The following MCTP2 variants were observed in gnomAD, a reference collection of about 807,000 sequenced individuals.
The protein encoded by MCTP2 is multiple C2 and transmembrane domain containing 2.
Under a neutral mutation model 111.6 loss-of-function variants are expected in MCTP2, and 132 were observed. That is an observed-to-expected ratio of 1.18 (90% CI 1.03 to 1.37). The LOEUF (loss-of-function observed/expected upper bound fraction) is 1.37, where lower values mean the gene tolerates loss of function less well. MCTP2 is among the 40% of genes most tolerant of loss of function. The pLI is 0.00. For synonymous variants in MCTP2, 395 were observed against 387.7 expected (o/e 1.02, Z -0.22); for missense variants, 1,183 against 1,067.9 (o/e 1.11, Z -1.50).
intron 10 of MCTP2, among the ~76,000 whole-genome samples, chr15:94,361,478 T>C (rs905169936): frequency 6.6e-6 from 1 of 152,186 alleles, no homozygotes; most frequent in Non-Finnish European, 1.5e-5. Flanking sequence ...GCTCTGTATC[T>C]GTATAATGGG....
At chr15:94,422,611 A>G (rs1256323565) in intron 17 of MCTP2, among the ~76,000 whole-genome samples, 2 of 152,164 alleles carry the variant, frequency 1.3e-5, no homozygotes, top group Admixed American at 6.5e-5. Context: ...ATTTGATCAT[A>G]TCATTTCTTT....
chr15:94,448,278 T>C (rs2084240089), intron 19 of MCTP2, among the ~76,000 whole-genome samples: 1 of 152,246 alleles, frequency 6.6e-6, no homozygotes, highest in Middle Eastern at 3.2e-3. Context: ...TCAAGCTCAC[T>C]AATATTCCTA....
chr15:94,471,320 A>G (rs1226482600), intron 21 of MCTP2, among the ~76,000 whole-genome samples: 1 of 152,234 alleles, frequency 6.6e-6, no homozygotes, highest in East Asian at 1.9e-4. Flanking sequence ...GTTTGGGGAA[A>G]TCACAAAGAG....
intron 2 of MCTP2, among the ~76,000 whole-genome samples, chr15:94,303,234 T>C (rs922162465): frequency 6.7e-6 from 1 of 150,360 alleles, no homozygotes; most frequent in Non-Finnish European, 1.5e-5. Flanking sequence ...GGTCCCACAA[T>C]AGGCCATCTA....
chr15:94,465,413 CAAT>C (rs1216172898), intron 20 of MCTP2, among the ~76,000 whole-genome samples: 2 of 152,086 alleles, frequency 1.3e-5, no homozygotes, highest in East Asian at 1.9e-4. Context: ...AACAGATTAA[CAAT>C]AATAATGAAA....
At chr15:94,237,398 A>C (rs943866518) in intron 1 of MCTP2, among the ~76,000 whole-genome samples, 2 of 151,762 alleles carry the variant, frequency 1.3e-5, no homozygotes, top group African/African-American at 2.4e-5. Context: ...GGAAAAGCAA[A>C]CAAGGGCCAT....
intron 14 of MCTP2, among the ~76,000 whole-genome samples, chr15:94,392,118 T>C (rs1280906491): frequency 3.3e-5 from 5 of 152,258 alleles, no homozygotes; most frequent in South Asian, 2.1e-4. Context: ...ATGCCTGTAA[T>C]CCCAGCACTT....
intron 1 of MCTP2, among the ~76,000 whole-genome samples, chr15:94,248,565 C>G (rs1044451239): frequency 6.6e-6 from 1 of 152,188 alleles, no homozygotes; most frequent in Non-Finnish European, 1.5e-5. Flanking sequence ...TATGTTCTTT[C>G]GCTTGTTGCT....
chr15:94,381,755 G>C (rs1301746311), intron 12 of MCTP2, among the ~76,000 whole-genome samples: 2 of 152,134 alleles, frequency 1.3e-5, no homozygotes, highest in Admixed American at 1.3e-4. Flanking sequence ...AAAAGTATGT[G>C]GTCTCTTCTT....
At chr15:94,285,179 C>T (rs1013938328) in intron 1 of MCTP2, among the ~76,000 whole-genome samples, 1 of 152,166 alleles carries the variant, frequency 6.6e-6, no homozygotes, top group African/African-American at 2.4e-5. Context: ...TCACACAGGA[C>T]ATGTTTAATT....
intron 14 of MCTP2, among the ~76,000 whole-genome samples, chr15:94,395,924 A>G (rs2081259954): frequency 6.6e-6 from 1 of 152,142 alleles, no homozygotes; most frequent in South Asian, 2.1e-4. Flanking sequence ...TTTGTGATAT[A>G]TTTCTGAAAA....
chr15:94,253,284 A>G (rs975538040), intron 1 of MCTP2, among the ~76,000 whole-genome samples: 10 of 152,088 alleles, frequency 6.6e-5, no homozygotes, highest in Non-Finnish European at 1.3e-4. Flanking sequence ...GTGTGTCTCA[A>G]CTTTGATAAC....
chr15:94,300,985 G>T (rs932509389), intron 2 of MCTP2, among the ~76,000 whole-genome samples: 1 of 152,154 alleles, frequency 6.6e-6, no homozygotes, highest in African/African-American at 2.4e-5. Flanking sequence ...ATGTGGGGTT[G>T]TTGGGTTGGC....
At chr15:94,248,647 A>G (rs886256538) in intron 1 of MCTP2, among the ~76,000 whole-genome samples, 1 of 152,186 alleles carries the variant, frequency 6.6e-6, no homozygotes, top group Admixed American at 6.5e-5. Context: ...TTGTGTCAAG[A>G]TACTTATTGG....
Position 94,437,155 on chromosome 15 carries a change from CAAAAAAAAAAAA to C in MCTP2, c.2086-3009_2086-2998del, listed in dbSNP as rs11352999. Among the ~76,000 whole-genome samples, 14 of 69,580 alleles carry C rather than the reference CAAAAAAAAAAAA, an allele frequency of 2.0e-4. No homozygotes were observed. The East Asian group carries it at 3.9e-3, about 19-fold the overall frequency. 45.6% of individuals were successfully genotyped at this position (69,580 alleles called of 152,430 possible). On this transcript the variant is annotated intron_variant, in intron 17 of 22. Transcript: ENST00000357742. ...TTCAAAAATTTCACACTTACACATC[CAAAAAAAAAAAA>C]AAAAAAAAAAAGAGGTTTAGCACTA... is the stretch of plus-strand genomic sequence containing the variant.
At chr15:94,344,301 G>A (rs2077838202) in intron 7 of MCTP2, among the ~76,000 whole-genome samples, 1 of 152,144 alleles carries the variant, frequency 6.6e-6, no homozygotes, top group Non-Finnish European at 1.5e-5. Flanking sequence ...TTGGCAAAGT[G>A]GATCGGTCAT....
intron 10 of MCTP2, among the ~76,000 whole-genome samples, chr15:94,363,559 G>C (rs1188976510): frequency 6.6e-6 from 1 of 152,134 alleles, no homozygotes; most frequent in Non-Finnish European, 1.5e-5. Flanking sequence ...GGAAAAATCA[G>C]TGGTGTCACA....
chr15:94,472,807 A>G (rs2074036449), intron 21 of MCTP2, among the ~76,000 whole-genome samples: 1 of 152,200 alleles, frequency 6.6e-6, no homozygotes, highest in Non-Finnish European at 1.5e-5. Context: ...ATATTCTGTA[A>G]TTCTGTTAGG....
At chr15:94,282,615 G>A (rs1014235169) in intron 1 of MCTP2, among the ~76,000 whole-genome samples, 6 of 152,206 alleles carry the variant, frequency 3.9e-5, no homozygotes, top group Admixed American at 2.0e-4. Context: ...AAGATACTCT[G>A]GCTTTTAGAG....
Sources: gnomAD v4.1 joint callset for allele counts (sites outside exome capture counted in the v4.1 genomes callset) on GRCh38, gnomAD v4.1.1 for gene constraint, MANE v1.5 for transcripts, NCBI Gene and HGNC (gene_info 2026-07-23, HGNC 2026-07-21) for gene names.